The following NEB variants were observed in gnomAD, a reference collection of about 807,000 sequenced individuals.
NEB encodes the protein nemaline myopathy type 2.
NEB carries 512 observed loss-of-function variants against 952.2 expected under a neutral mutation model. The ratio of observed to expected loss-of-function variants is 0.54; its 90% CI spans 0.50 to 0.58. NEB has a LOEUF of 0.58. Among genes scored for constraint, NEB ranks in the 20% least tolerant of loss-of-function variants. The pLI is 0.00. For synonymous variants in NEB, 2,900 were observed against 3,149.8 expected (o/e 0.92, Z 2.66); for missense variants, 8,428 against 9,231.1 (o/e 0.91, Z 3.56).
intron 153 of NEB, 53 bp downstream of exon 153, chr2:151,524,258 G>C: frequency 7.0e-7 from 1 of 1,432,282 alleles, no homozygotes; most frequent in African/African-American, 1.4e-5. Context: ...CTTCCTGCAA[G>C]GTCTTTTATA....
At chr2:151,579,042 C>A (rs1454540713) in intron 105 of NEB, among the ~76,000 whole-genome samples, 1 of 128,186 alleles carries the variant, frequency 7.8e-6, no homozygotes, top group South Asian at 2.6e-4. Flanking sequence ...GATTGCACCA[C>A]TGCACTCCAG....
intron 20 of NEB, among the ~76,000 whole-genome samples, chr2:151,693,797 T>G (rs2099575886): frequency 6.6e-6 from 1 of 152,202 alleles, no homozygotes; most frequent in Non-Finnish European, 1.5e-5. Context: ...TCATATTTTA[T>G]TTTTAATAAG....
chr2:151,708,222 A>G (rs988359025), intron 12 of NEB, among the ~76,000 whole-genome samples: 7 of 152,200 alleles, frequency 4.6e-5, no homozygotes, highest in Admixed American at 6.5e-5. Context: ...TATCTTAAAA[A>G]GTCCCTCTTT....
At position 151,514,886 on chromosome 2, in the gene NEB, T is replaced by A; in HGVS notation, c.22948A>T (p.Asn7650Tyr). 6.3e-7 allele frequency: 1 copy of A among 1,587,898 alleles called. No individual in the cohort carries two copies. The highest frequency in any genetic ancestry group is 2.3e-5 in the East Asian group (1 of 44,266). Residue 7650 changes from asparagine (N) to tyrosine (Y), a missense_variant, in exon 158 of 182, where the codon AAC becomes TAC. Transcript: ENST00000397345. ...GGCGTGACCTCCAGGCCAGTCAGGT[T>A]TCTGCCTTTAATGGACTCTTCATAA... ...KDYEESIKGR[N>Y]LTGLEVTPAL... is the part of the protein sequence containing the mutation.
In NEB at chr2:151,541,546, G is replaced by A. The variant is rs939258740; in HGVS notation, c.20583C>T (p.Val6861=). ...QELKTHLSEL[V]YRAAGKKQKS... Reference sequence around the variant, plus strand: ...TCTGCTTCTTGCCTGCAGCTCTGTAGACCAGCTAGACATAAACCAAGTTAT... The same window carrying A: ...TCTGCTTCTTGCCTGCAGCTCTGTAAACCAGCTAGACATAAACCAAGTTAT... Residue 6861 remains valine, a synonymous_variant, in exon 136 of 182, where the codon GTC becomes GTT. Transcript: ENST00000397345. 6.2e-7 allele frequency: 1 copy of A among 1,612,432 alleles called. No homozygotes were observed. The highest frequency in any genetic ancestry group is 8.5e-7 in the Non-Finnish European group (1 of 1,178,726).
chr2:151,698,635 A>ATTTT (rs1269569080), intron 13 of NEB, among the ~76,000 whole-genome samples: 2 of 130,548 alleles, frequency 1.5e-5, no homozygotes, highest in African/African-American at 3.0e-5. Flanking sequence ...TACTTCATTA[A>ATTTT]TTTTTTTTTT....
In NEB at chr2:151,493,776, G is replaced by T; in HGVS notation, c.24671C>A (p.Ser8224Ter). 1 of 1,562,266 alleles carries T rather than the reference G, an allele frequency of 6.4e-7. No individual in the cohort carries two copies. The highest frequency in any genetic ancestry group is 1.2e-5 in the South Asian group (1 of 85,430). The change falls in exon 175 of 182, where the codon TCG becomes TAG. Residue 8224 changes from serine to a stop codon, truncating the protein, a stop_gained and splice_region_variant. Coordinates refer to ENST00000397345, the MANE Select transcript of NEB (RefSeq NM_001164508.2). LOFTEE classifies it high-confidence loss of function. ...ATTTATTTTTCCTTTCTAAAATACC[G>T]AGCTAAAGTTTTCTTGATTGCGTTT... The part of the protein sequence containing the change: ...RVKRNQENFS[S>*]VLYKENMRKA...
chr2:151,551,622 T>G, intron 129 of NEB, 116 bp downstream of exon 129: 1 of 771,038 alleles, frequency 1.3e-6, no homozygotes, highest in South Asian at 1.7e-5. Flanking sequence ...TTTCACCTCA[T>G]GTGAATAGAA....
At chr2:151,554,490 T>C (rs1212942467) in intron 125 of NEB, among the ~76,000 whole-genome samples, 1 of 152,028 alleles carries the variant, frequency 6.6e-6, no homozygotes, top group Non-Finnish European at 1.5e-5. Context: ...GCCCAAGAGG[T>C]AGAGGCTTGC....
Position 151,497,647 on chromosome 2 carries a change from G to GTGTT in NEB, c.24275_24278dup (p.His8093GlnfsTer8), listed in dbSNP as rs1553551748. ...GTACCGAGCTAATATTTTCTTGATT[G>GTGTT]TGTTTGACTCTTTCCATCTCGGGAG... is the stretch of plus-strand genomic sequence containing the variant. On this transcript the variant is annotated frameshift_variant, in exon 171 of 182. Coordinates refer to ENST00000397345, the MANE Select transcript of NEB (RefSeq NM_001164508.2). LOFTEE classifies it high-confidence loss of function. 8 of 1,579,920 alleles carry GTGTT rather than the reference G, an allele frequency of 5.1e-6. No homozygotes were observed. Among genetic ancestry groups the GTGTT allele is most frequent in the East Asian group, 2.3e-5 (1 of 43,980 alleles).
chr2:151,498,432 G>A (rs1575073522), intron 169 of NEB, 80 bp from the exon 170 acceptor site: 2 of 942,176 alleles, frequency 2.1e-6, no homozygotes. Context: ...GTTGGGAGTG[G>A]GAAGGGAGGA....
intron 110 of NEB, 111 bp downstream of exon 110, chr2:151,569,157 C>T (rs2153749013): frequency 3.5e-6 from 3 of 858,222 alleles, no homozygotes; most frequent in Admixed American, 4.2e-5. Flanking sequence ...GTTTAAATCA[C>T]AGCAATTGAA....
Position 151,664,616 on chromosome 2 carries a change from A to G in NEB, c.5344-8T>C, listed in dbSNP as rs763115844. On this transcript the variant is annotated splice_polypyrimidine_tract_variant and splice_region_variant and intron_variant, in intron 43 of 181. Coordinates refer to ENST00000397345, the MANE Select transcript of NEB (RefSeq NM_001164508.2). ...GCCAGCTTTGTACAGTTTCTAAACA[A>G]TAAAATAGAAAAACAACAGCATCTT... is the stretch of plus-strand genomic sequence containing the variant. 3.1e-6 allele frequency: 5 copies of G among 1,590,822 alleles called. No individual in the cohort carries two copies. The highest frequency in any genetic ancestry group is 2.6e-6 in the Non-Finnish European group (3 of 1,166,956).
At chr2:151,620,389 ATATT>A (rs1414385017) in intron 72 of NEB, among the ~76,000 whole-genome samples, 3 of 134,316 alleles carry the variant, frequency 2.2e-5, no homozygotes, top group South Asian at 2.3e-4. Flanking sequence ...ATATATATAT[ATATT>A]TAACCAGAAT....
At chr2:151,524,191 T>G (rs2083923323) in intron 153 of NEB, 120 bp downstream of exon 153, 1 of 801,746 alleles carries the variant, frequency 1.2e-6, no homozygotes, top group Admixed American at 2.4e-5. Context: ...TCTTGGAAGC[T>G]TTGCAGTACT....
At chr2:151,500,958 T>TATC (rs1186485443) in intron 168 of NEB, among the ~76,000 whole-genome samples, 1 of 152,168 alleles carries the variant, frequency 6.6e-6, no homozygotes, top group African/African-American at 2.4e-5. Flanking sequence ...TGCTATTGTT[T>TATC]ATCTGAATAG....
In NEB at chr2:151,537,177, G is replaced by T. The variant is rs766718173; in HGVS notation, c.21162C>A (p.Thr7054=). 6.2e-7 allele frequency: 1 copy of T among 1,613,044 alleles called. No homozygotes were observed. The highest frequency in any genetic ancestry group is 1.3e-5 in the African/African-American group (1 of 74,922). The part of the protein sequence containing the change: ...LKGIGCYAYD[T]PDFTLAEKNK... ...TCTTTTCAGCCAGAGTGAAATCAGGGGTATCATAGGCATAGCAACCAATGC... is the reference window on the plus strand; with the variant it reads ...TCTTTTCAGCCAGAGTGAAATCAGGTGTATCATAGGCATAGCAACCAATGC... Residue 7054 remains threonine (T), a synonymous_variant, in exon 141 of 182, where the codon ACC becomes ACA. Transcript: ENST00000397345.
rs563896790 is a variant in NEB at position 151,514,390 on chromosome 2, C to T, written c.23055G>A (p.Gly7685=). The T allele has an allele frequency of 1.9e-3, 3,143 of 1,613,582 alleles. 89 individuals carry two copies. In the South Asian group the frequency reaches 0.033, roughly 17 times the overall value. Residue 7685 remains glycine, a synonymous_variant, in exon 159 of 182, where the codon GGG becomes GGA. Coordinates refer to ENST00000397345, the MANE Select transcript of NEB (RefSeq NM_001164508.2). ...TATCTTCCATTTCAGTGAGGCCCTT[C>T]CCACGGATGCTTTCCTCTAGATCTT... ...YRKDLEESIR[G]KGLTEMEDTP... is the part of the protein sequence containing the mutation.
intron 119 of NEB, among the ~76,000 whole-genome samples, chr2:151,563,054 GC>G (rs1335798137): frequency 3.8e-5 from 4 of 104,178 alleles, no homozygotes; most frequent in Non-Finnish European, 5.3e-5. Context: ...CTACTCTGTT[GC>G]CCAGACTGGA....
Sources: gnomAD v4.1 joint callset for allele counts (sites outside exome capture counted in the v4.1 genomes callset) on GRCh38, gnomAD v4.1.1 for gene constraint, MANE v1.5 for transcripts, NCBI Gene and HGNC (gene_info 2026-07-23, HGNC 2026-07-21) for gene names.